The following RELCH variants were observed in gnomAD, a reference collection of about 807,000 sequenced individuals.
RELCH encodes RAB11 binding and LisH domain, coiled-coil and HEAT repeat containing, also known as RAB11-binding protein RELCH.
A neutral mutation model predicts 150.3 loss-of-function variants in RELCH; 41 were observed. That is an observed-to-expected ratio of 0.27 (90% CI 0.21 to 0.35). The LOEUF (loss-of-function observed/expected upper bound fraction) is 0.35, where lower values mean the gene tolerates loss of function less well. Ranked by LOEUF, RELCH falls within the 10% of genes least tolerant of loss-of-function variation. RELCH has a pLI of 1.00. For synonymous variants in RELCH, 478 were observed against 531.8 expected, an observed-to-expected ratio of 0.90 and a Z score of 1.39; for missense variants, 1,092 against 1,467.8, an observed-to-expected ratio of 0.74 and a Z score of 4.18.
intron 10 of RELCH, among the ~76,000 whole-genome samples, chr18:62,242,041 A>C (rs1440282067): frequency 6.6e-6 from 1 of 152,076 alleles, no homozygotes; most frequent in Non-Finnish European, 1.5e-5. Context: ...CACTCTCTGC[A>C]TTTTTCTTCC....
chr18:62,304,143 T>G (rs2045784837), intron 28 of RELCH, among the ~76,000 whole-genome samples: 1 of 152,206 alleles, frequency 6.6e-6, no homozygotes, highest in South Asian at 2.1e-4. Context: ...AAGCTTGAGA[T>G]GTTGGCTTTA....
At chr18:62,259,073 T>C (rs1468296786) in intron 15 of RELCH, among the ~76,000 whole-genome samples, 1 of 152,048 alleles carries the variant, frequency 6.6e-6, no homozygotes. Context: ...TAACTGTGGT[T>C]ATTCCACTCC....
chr18:62,260,344 AC>A (rs1307330857), intron 15 of RELCH, among the ~76,000 whole-genome samples: 1 of 149,018 alleles, frequency 6.7e-6, no homozygotes, highest in East Asian at 2.0e-4. Flanking sequence ...GTATCATGTC[AC>A]CCCAGTTGAA....
chr18:62,262,933 CT>C (rs1232394948), intron 16 of RELCH, among the ~76,000 whole-genome samples: 1 of 151,980 alleles, frequency 6.6e-6, no homozygotes, highest in Non-Finnish European at 1.5e-5. Context: ...GGGCTCTCCC[CT>C]GGCTTCTGGT....
chr18:62,225,438 A>G (rs73456698), intron 5 of RELCH, among the ~76,000 whole-genome samples: 15,214 of 152,026 alleles, frequency 0.1, 899 homozygotes, highest in East Asian at 0.19. Flanking sequence ...TAACATATCT[A>G]ATAAAGGAGT....
chr18:62,232,528 A>G (rs1399088015), intron 10 of RELCH, 101 bp downstream of exon 10: 2 of 688,616 alleles, frequency 2.9e-6, no homozygotes, highest in Non-Finnish European at 5.2e-6. Context: ...GTTAAAGTCT[A>G]TTACTTGCAA....
intron 2 of RELCH, among the ~76,000 whole-genome samples, chr18:62,217,797 T>C (rs2040578977): frequency 6.6e-6 from 1 of 151,934 alleles, no homozygotes; most frequent in Non-Finnish European, 1.5e-5. Context: ...ACACCAACTT[T>C]GAGATGAGTG....
intron 11 of RELCH, chr18:62,247,177 T>C (rs1472422037): frequency 1.3e-5 from 2 of 152,172 alleles, no homozygotes; most frequent in African/African-American, 2.4e-5. Context: ...TTTCTTCTTA[T>C]CAAAGATTAG....
At chr18:62,232,214 A>G in intron 9 of RELCH, 118 bp from the exon 10 acceptor site, 1 of 603,046 alleles carries the variant, frequency 1.7e-6, no homozygotes, top group South Asian at 2.0e-5. Flanking sequence ...ATCATAAGTT[A>G]AAATATTGGA....
rs1249645575 is a variant in RELCH at position 62,307,567 on chromosome 18, G to T, written c.*2033G>T. 2.0e-5 allele frequency: 3 copies of T among 151,306 alleles called. No homozygotes were observed. The highest frequency in any genetic ancestry group is 4.4e-5 in the Non-Finnish European group (3 of 67,812). 9.4% of individuals were successfully genotyped at this position (151,306 alleles called of 1,614,324 possible). A position where few individuals can be genotyped will look rare whatever the true frequency, so the allele number is the denominator to read the frequency against. ...ATTTCACATTGTGGTTTTGTTTTTT[G>T]TTTGTTTGTTTGTTTTTAGTAAAAT... On this transcript the variant is annotated 3_prime_UTR_variant, in exon 29 of 29. Transcript: ENST00000644646.
In RELCH at chr18:62,212,509, A is replaced by G. The variant is rs1304949725; in HGVS notation, c.616+1267A>G. ...ACCAACTCTGTTGAATTTTTCTTCC[A>G]TTTACTGGGACAAGTTTTTTAAAAC... On this transcript the variant is annotated intron_variant, in intron 2 of 28. Coordinates refer to ENST00000644646, the MANE Select transcript of RELCH (RefSeq NM_001346231.2). Among the ~76,000 whole-genome samples the G allele has an allele frequency of 6.6e-5, 10 of 152,182 alleles. No individual in the cohort carries two copies. In the South Asian group the frequency reaches 8.3e-4, roughly 13 times the overall value.
chr18:62,279,891 C>A, intron 23 of RELCH, 35 bp downstream of exon 23: 1 of 1,357,126 alleles, frequency 7.4e-7, no homozygotes, highest in Non-Finnish European at 1.0e-6. Flanking sequence ...ATTCGGCATC[C>A]CTTTCAAAAT....
At chr18:62,298,986 A>G (rs2045544906) in intron 28 of RELCH, 126 bp downstream of exon 28, 2 of 587,088 alleles carry the variant, frequency 3.4e-6, no homozygotes. Flanking sequence ...AGACAAGAAA[A>G]TGATTTAAGT....
chr18:62,291,124 G>A (rs993378628), intron 26 of RELCH, among the ~76,000 whole-genome samples: 8 of 152,054 alleles, frequency 5.3e-5, no homozygotes, highest in South Asian at 4.1e-4. Context: ...TGTCTTATAC[G>A]TAATAGTTAA....
rs760529797 is a variant in RELCH, at chr18:62,188,046, C to T, written c.526+15C>T. The T allele has an allele frequency of 1.3e-6, 2 of 1,537,408 alleles. No homozygotes were observed. Among genetic ancestry groups the T allele is most frequent in the Non-Finnish European group, 1.8e-6 (2 of 1,142,220 alleles). On this transcript the variant is annotated intron_variant, in intron 1 of 28. Coordinates refer to ENST00000644646, the MANE Select transcript of RELCH (RefSeq NM_001346231.2). ...GGGACAGCTCAGTAAGTGGACGCAG[C>T]CTGTCACACTCCGGCAGGGTATTTG...
intron 10 of RELCH, among the ~76,000 whole-genome samples, chr18:62,233,625 G>T (rs2041715415): frequency 6.6e-6 from 1 of 151,964 alleles, no homozygotes; most frequent in Non-Finnish European, 1.5e-5. Context: ...AAGGATCAGT[G>T]TCCAATTTCA....
At position 62,277,840 on chromosome 18, in the gene RELCH, A is replaced by C. The variant is rs530070840; in HGVS notation, c.2968-1934A>C. 9 of 887,354 alleles carry C rather than the reference A, an allele frequency of 1.0e-5. No individual in the cohort carries two copies. The East Asian group carries it at 8.4e-4, about 83-fold the overall frequency. 55.0% of individuals were successfully genotyped at this position (887,354 alleles called of 1,614,324 possible). ...TATCATGTTATAATAAATTTCCCAA[A>C]AGATGCAGAAAAGAGCTTCATATAT... On this transcript the variant is annotated intron_variant, in intron 22 of 28. Transcript: ENST00000644646.
intron 18 of RELCH, 76 bp from the exon 19 acceptor site, chr18:62,266,625 C>T (rs561662490): frequency 1.2e-6 from 1 of 832,138 alleles, no homozygotes; most frequent in South Asian, 1.5e-5. Flanking sequence ...GTAGTAGCAA[C>T]AGTAGTAAAC....
chr18:62,195,107 G>A (rs951452785), intron 1 of RELCH, among the ~76,000 whole-genome samples: 3 of 152,070 alleles, frequency 2.0e-5, no homozygotes, highest in Non-Finnish European at 4.4e-5. Context: ...TAAGTTTGAT[G>A]TTTTCAATAG....
Sources: gnomAD v4.1 joint callset for allele counts (sites outside exome capture counted in the v4.1 genomes callset) on GRCh38, gnomAD v4.1.1 for gene constraint, MANE v1.5 for transcripts, NCBI Gene and HGNC (gene_info 2026-07-23, HGNC 2026-07-21) for gene names.